TDP2: variants seen among roughly 807,000 people sequenced by gnomAD.
The protein encoded by TDP2 is 5'-Tyr-DNA phosphodiesterase.
TDP2 carries 38 observed loss-of-function variants against 42.8 expected under a neutral mutation model. That is an observed-to-expected ratio of 0.89 (90% confidence interval 0.68 to 1.16). The LOEUF is 1.16. Among genes scored for constraint, TDP2 ranks in the 50% most tolerant of loss-of-function variants. TDP2 has a pLI of 0.00. For synonymous variants in TDP2, 173 were observed against 150.6 expected, an observed-to-expected ratio of 1.15 and a Z score of -1.09; for missense variants, 439 against 439.3, an observed-to-expected ratio of 1.00 and a Z score of 0.01.
chr6:24,666,045 T>G (rs987068446), intron 2 of TDP2: 1 of 1,496,564 alleles, frequency 6.7e-7, no homozygotes, highest in African/African-American at 1.4e-5. Context: ...ACTTTTTAAG[T>G]GCAGGAACTG....
chr6:24,666,733 G>A lies in TDP2; in HGVS notation c.130C>T (p.Gln44Ter), dbSNP rs779796863. 3 of 1,614,136 alleles carry A rather than the reference G, an allele frequency of 1.9e-6. No individual in the cohort carries two copies. Among genetic ancestry groups the A allele is most frequent in the East Asian group, 2.2e-5 (1 of 44,898 alleles). ...SVASCDAAVAQCFLAENDWEM... is the reference protein window; with the variant it reads ...SVASCDAAVA The stretch of plus-strand genomic sequence containing the variant: ...CAGTCGTTCTCGGCCAGGAAGCACT[G>A]AGCCACTGCGGCATCGCAGCTTGCG... Residue 44 changes from glutamine (Q) to a stop codon, truncating the protein, a stop_gained, in exon 1 of 7, where the codon CAG becomes TAG. Transcript: ENST00000378198. LOFTEE classifies it high-confidence loss of function.
chr6:24,658,970 T>C (rs192926685), intron 2 of TDP2: 9 of 396,718 alleles, frequency 2.3e-5, no homozygotes, highest in Middle Eastern at 6.8e-4. Flanking sequence ...CATAGCCCTA[T>C]ATACTGATGA....
At position 24,661,279 on chromosome 6, in the gene TDP2, A is replaced by G. The variant is rs374956181; in HGVS notation, c.252-2545T>C. The stretch of plus-strand genomic sequence containing the variant: ...GGAAAAATGTTCCCTTCTCTCTTGG[A>G]CAATGGTATTTATATCAGTATGGGT... On this transcript the variant is annotated intron_variant, in intron 2 of 6. Coordinates refer to ENST00000378198, the MANE Select transcript of TDP2 (RefSeq NM_016614.3). 5.2e-4 allele frequency among the ~76,000 whole-genome samples: 79 copies of G among 152,282 alleles called. No homozygotes were observed. In the South Asian group the frequency reaches 0.015, roughly 29 times the overall value.
In TDP2 at chr6:24,656,986, C is replaced by T. The variant is rs952524230; in HGVS notation, c.517+826G>A. Among the ~76,000 whole-genome samples, 7 of 152,288 alleles carry T rather than the reference C, an allele frequency of 4.6e-5. No homozygotes were observed. In the East Asian group the frequency reaches 1.3e-3, roughly 29 times the overall value. The stretch of plus-strand genomic sequence containing the variant: ...GACACACACAGACTGAGAGAGAACC[C>T]TCTCCTTAGAAATTCTCGATTAAGG... On this transcript the variant is annotated intron_variant, in intron 4 of 6. Coordinates refer to ENST00000378198, the MANE Select transcript of TDP2 (RefSeq NM_016614.3).
intron 6 of TDP2, 197 bp downstream of exon 6, chr6:24,652,786 T>A (rs1777995548): frequency 3.5e-6 from 2 of 570,336 alleles, no homozygotes; most frequent in East Asian, 6.3e-5. Context: ...TGCACATTTT[T>A]ATTTTCCTCC....
Position 24,653,062 on chromosome 6 carries a change from A to G in TDP2, c.728T>C (p.Met243Thr), listed in dbSNP as rs760589504. 6.2e-7 allele frequency: 1 copy of G among 1,614,116 alleles called. No homozygotes were observed. The highest frequency in any genetic ancestry group is 2.2e-5 in the East Asian group (1 of 44,880). ...AGCCTCTTGCATTTTCTTTAAAACC[A>G]TTTTTAACTGATTCATTCGTTCCGC... ...HAAERMNQLK[M>T]VLKKMQEAPE... Residue 243 changes from methionine (M) to threonine (T), a missense_variant, in exon 6 of 7, where the codon ATG becomes ACG. By Grantham distance (81) the Met-to-Thr change is moderately conservative. Coordinates refer to ENST00000378198, the MANE Select transcript of TDP2 (RefSeq NM_016614.3).
intron 2 of TDP2, among the ~76,000 whole-genome samples, chr6:24,659,629 G>C (rs1158297492): frequency 6.6e-6 from 1 of 152,126 alleles, no homozygotes; most frequent in Non-Finnish European, 1.5e-5. Flanking sequence ...AGAAACGTAG[G>C]ATTTCTAAAT....
At chr6:24,657,341 T>C (rs181137517) in intron 4 of TDP2, among the ~76,000 whole-genome samples, 32 of 152,286 alleles carry the variant, frequency 2.1e-4, no homozygotes, top group African/African-American at 6.7e-4. Flanking sequence ...AAAGACTGTA[T>C]ATGAAAATCA....
chr6:24,666,107 A>G, intron 2 of TDP2: 1 of 1,544,802 alleles, frequency 6.5e-7, no homozygotes, highest in Non-Finnish European at 8.7e-7. Context: ...AAAAATAACA[A>G]CAACAACAAA....
At chr6:24,657,385 T>G (rs1778075356) in intron 4 of TDP2, among the ~76,000 whole-genome samples, 1 of 152,146 alleles carries the variant, frequency 6.6e-6, no homozygotes, top group Non-Finnish European at 1.5e-5. Flanking sequence ...TTAAATATAT[T>G]TAGCAAAAAC....
At position 24,650,584 on chromosome 6, in the gene TDP2, C is replaced by T; in HGVS notation, c.*204G>A. On this transcript the variant is annotated 3_prime_UTR_variant, in exon 7 of 7. Transcript: ENST00000378198. ...GCTTTGTGCCCTTTTTATTAAATGG[C>T]CTCACATCCTGAATGCAGGAATGTG... The T allele has an allele frequency of 1.7e-6, 1 of 579,362 alleles. No homozygotes were observed. Among genetic ancestry groups the T allele is most frequent in the Non-Finnish European group, 3.0e-6 (1 of 337,012 alleles). The allele number at this position is 579,362 out of a possible 1,614,324, so 35.9% of individuals were successfully genotyped here.
intron 2 of TDP2, among the ~76,000 whole-genome samples, chr6:24,662,300 G>C (rs138035586): frequency 6.6e-6 from 1 of 151,980 alleles, no homozygotes; most frequent in Non-Finnish European, 1.5e-5. Flanking sequence ...AAAGAGGAAG[G>C]CATCTGTCTC....
chr6:24,660,027 A>G (rs1159450564), intron 2 of TDP2, among the ~76,000 whole-genome samples: 1 of 152,202 alleles, frequency 6.6e-6, no homozygotes. Context: ...AACTTTATTA[A>G]AAGGTTAACT....
chr6:24,656,783 G>A (rs1168407158), intron 4 of TDP2, among the ~76,000 whole-genome samples: 2 of 152,032 alleles, frequency 1.3e-5, no homozygotes, highest in Middle Eastern at 3.2e-3. Context: ...ACAAAGCTAC[G>A]ACACAGACAT....
intron 2 of TDP2, among the ~76,000 whole-genome samples, chr6:24,660,577 G>A (rs1303461215): frequency 6.6e-6 from 1 of 152,132 alleles, no homozygotes; most frequent in African/African-American, 2.4e-5. Flanking sequence ...GTGGTTATGT[G>A]GTGCATAACA....
Position 24,653,169 on chromosome 6 carries a change from C to G in TDP2, c.637-16G>C, listed in dbSNP as rs540037026. On this transcript the variant is annotated splice_polypyrimidine_tract_variant and intron_variant, in intron 5 of 6. Coordinates refer to ENST00000378198, the MANE Select transcript of TDP2 (RefSeq NM_016614.3). ...ACACGTTCACCTGCAGCAGGACAAA[C>G]AGTCATTAAAACTGTCCACTGACTA... 6.2e-6 allele frequency: 10 copies of G among 1,613,518 alleles called. No individual in the cohort carries two copies. Among genetic ancestry groups the G allele is most frequent in the South Asian group, 2.2e-5 (2 of 91,038 alleles).
chr6:24,666,476 G>T, intron 2 of TDP2, 50 bp downstream of exon 2: 1 of 1,580,404 alleles, frequency 6.3e-7, no homozygotes, highest in Non-Finnish European at 8.7e-7. Context: ...GGGCTACCTG[G>T]TATCAAACTG....
At chr6:24,660,328 T>C (rs1019272874) in intron 2 of TDP2, among the ~76,000 whole-genome samples, 2 of 152,112 alleles carry the variant, frequency 1.3e-5, no homozygotes, top group African/African-American at 4.8e-5. Flanking sequence ...TAGAGAGAAT[T>C]TACACAAACC....
At chr6:24,657,600 A>C (rs1778077313) in intron 4 of TDP2, among the ~76,000 whole-genome samples, 1 of 151,330 alleles carries the variant, frequency 6.6e-6, no homozygotes, top group African/African-American at 2.4e-5. Context: ...TATTTTCCTG[A>C]AAAATCATCC....
Sources: gnomAD v4.1 joint callset for allele counts (sites outside exome capture counted in the v4.1 genomes callset) on GRCh38, gnomAD v4.1.1 for gene constraint, MANE v1.5 for transcripts, NCBI Gene and HGNC (gene_info 2026-07-23, HGNC 2026-07-21) for gene names.